Variants in ERP44 observed in about 807,000 individuals in gnomAD.
The protein encoded by ERP44 is endoplasmic reticulum protein 44, also known as endoplasmic reticulum resident protein 44.
A neutral mutation model predicts 53.4 loss-of-function variants in ERP44; 25 were observed. The observed-to-expected ratio is 0.47, with a 90% CI of 0.34 to 0.65. ERP44 has a LOEUF of 0.65. Ranked by LOEUF, ERP44 falls within the 30% of genes least tolerant of loss-of-function variation. The pLI is 0.01. For missense variants in ERP44, 338 were observed against 493.2 expected (o/e 0.69, Z 2.98); for synonymous variants, 145 against 161.2 (o/e 0.90, Z 0.76).
In ERP44 at chr9:100,063,075, C is replaced by CAAAAAAAAAAAAAAAAAAAA. The variant is rs58004954; in HGVS notation, c.58-2904_58-2903insTTTTTTTTTTTTTTTTTTTT. On this transcript the variant is annotated intron_variant, in intron 1 of 11. Coordinates refer to ENST00000262455, the MANE Select transcript of ERP44 (RefSeq NM_015051.3). ...GATGACAGAACAGGACCCTGTCTCA[C>CAAAAAAAAAAAAAAAAAAAA]AAAAAAAAAAAAAAAAAAGAGAGAG... is the stretch of plus-strand genomic sequence containing the variant. Among the ~76,000 whole-genome samples, 159 of 40,046 alleles carry CAAAAAAAAAAAAAAAAAAAA rather than the reference C, an allele frequency of 4.0e-3. 34 individuals carry two copies. Among genetic ancestry groups the CAAAAAAAAAAAAAAAAAAAA allele is most frequent in the Admixed American group, 6.8e-3 (17 of 2,514 alleles). The allele number at this position is 40,046 out of a possible 152,430, so 26.3% of individuals were successfully genotyped here.
At chr9:100,031,744 C>T (rs1170291616) in intron 4 of ERP44, among the ~76,000 whole-genome samples, 1 of 152,068 alleles carries the variant, frequency 6.6e-6, no homozygotes, top group South Asian at 2.1e-4. Flanking sequence ...TATTCAAGCT[C>T]TAACAGCCTG....
chr9:100,022,138 A>AC lies in ERP44; in HGVS notation c.374dup (p.Gln126SerfsTer17). The AC allele has an allele frequency of 6.2e-7, 1 of 1,613,818 alleles. No individual in the cohort carries two copies. The highest frequency in any genetic ancestry group is 8.5e-7 in the Non-Finnish European group (1 of 1,179,844). ...CTGCCAATGCTTTCACTGATCGCTG[A>AC]CCCCTGTATTCTCTCTTCATCATCA... On this transcript the variant is annotated frameshift_variant, in exon 5 of 12. Transcript: ENST00000262455. LOFTEE classifies it high-confidence loss of function.
intron 8 of ERP44, among the ~76,000 whole-genome samples, chr9:100,015,769 G>A (rs900310477): frequency 3.3e-5 from 5 of 152,118 alleles, no homozygotes; most frequent in Non-Finnish European, 4.4e-5. Context: ...ATATGATTTC[G>A]GGATGAAACT....
At chr9:100,081,701 T>C (rs1826426588) in intron 1 of ERP44, among the ~76,000 whole-genome samples, 1 of 152,150 alleles carries the variant, frequency 6.6e-6, no homozygotes, top group Non-Finnish European at 1.5e-5. Flanking sequence ...CCCAAAGCCA[T>C]AATCACGTCT....
intron 10 of ERP44, among the ~76,000 whole-genome samples, chr9:99,988,607 T>C (rs541586323): frequency 6.6e-6 from 1 of 152,292 alleles, no homozygotes; most frequent in South Asian, 2.1e-4. Flanking sequence ...CAGCTCCCAG[T>C]GTGATCAACG....
intron 11 of ERP44, 142 bp from the exon 12 acceptor site, chr9:99,982,855 A>AT (rs1433259098): frequency 2.2e-6 from 1 of 450,874 alleles, no homozygotes; most frequent in Non-Finnish European, 3.8e-6. Context: ...CCAAAGCAAG[A>AT]TATTTAAATG....
At chr9:100,053,718 T>C (rs912331392) in intron 3 of ERP44, among the ~76,000 whole-genome samples, 7 of 152,224 alleles carry the variant, frequency 4.6e-5, no homozygotes, top group Non-Finnish European at 5.9e-5. Flanking sequence ...CATGGATGAC[T>C]ATGTTCTAGG....
At chr9:100,075,580 G>C (rs1288467795) in intron 1 of ERP44, among the ~76,000 whole-genome samples, 1 of 152,180 alleles carries the variant, frequency 6.6e-6, no homozygotes. Context: ...GGACTTCTTG[G>C]TGAGACATCT....
At chr9:99,990,702 TA>T (rs1204952241) in intron 10 of ERP44, among the ~76,000 whole-genome samples, 1 of 152,184 alleles carries the variant, frequency 6.6e-6, no homozygotes, top group African/African-American at 2.4e-5. Context: ...ATGCCCCAAT[TA>T]AAAGACACAG....
intron 1 of ERP44, 135 bp from the exon 2 acceptor site, chr9:100,060,307 ATCTAG>A: frequency 1.0e-6 from 1 of 981,856 alleles, no homozygotes; most frequent in Non-Finnish European, 1.3e-6. Context: ...AATCTTTATT[ATCTAG>A]TCTAATCTTT....
intron 4 of ERP44, among the ~76,000 whole-genome samples, chr9:100,031,246 G>A (rs1345147693): frequency 2.0e-5 from 3 of 152,108 alleles, no homozygotes; most frequent in African/African-American, 4.8e-5. Context: ...TTGGGAGCTT[G>A]ACCTTGTAAG....
At chr9:100,002,208 A>G (rs1246253382) in intron 10 of ERP44, among the ~76,000 whole-genome samples, 3 of 149,988 alleles carry the variant, frequency 2.0e-5, no homozygotes, top group Non-Finnish European at 4.4e-5. Flanking sequence ...ATCTTTTTAT[A>G]TTGTGTATCC....
chr9:100,076,754 T>C (rs1047173457), intron 1 of ERP44, among the ~76,000 whole-genome samples: 1 of 152,260 alleles, frequency 6.6e-6, no homozygotes, highest in Non-Finnish European at 1.5e-5. Flanking sequence ...TTGTATCCCA[T>C]GTGAGTGCTC....
At chr9:99,989,835 G>A (rs965921650) in intron 10 of ERP44, among the ~76,000 whole-genome samples, 13 of 152,142 alleles carry the variant, frequency 8.5e-5, no homozygotes, top group South Asian at 2.1e-4. Flanking sequence ...TTAAATGACC[G>A]GATGGAGCTG....
chr9:100,015,880 A>G (rs569422105), intron 8 of ERP44, among the ~76,000 whole-genome samples: 4 of 152,140 alleles, frequency 2.6e-5, no homozygotes, highest in African/African-American at 7.2e-5. Flanking sequence ...CATTCGTATG[A>G]CAATCTAATG....
chr9:100,030,122 A>G (rs1305868326), intron 4 of ERP44, among the ~76,000 whole-genome samples: 1 of 152,180 alleles, frequency 6.6e-6, no homozygotes, highest in Non-Finnish European at 1.5e-5. Context: ...GTACATATAC[A>G]CAATAAAATA....
At chr9:100,000,829 T>C (rs1830368665) in intron 10 of ERP44, among the ~76,000 whole-genome samples, 1 of 152,122 alleles carries the variant, frequency 6.6e-6, no homozygotes, top group South Asian at 2.1e-4. Context: ...TCTTTTCTAT[T>C]GTTTTTCTAA....
intron 8 of ERP44, 150 bp downstream of exon 8, chr9:100,016,171 GT>G: frequency 8.4e-7 from 1 of 1,190,312 alleles, no homozygotes; most frequent in Non-Finnish European, 1.1e-6. Flanking sequence ...AGAATCACTG[GT>G]GTATATTACA....
intron 4 of ERP44, among the ~76,000 whole-genome samples, chr9:100,040,891 T>C (rs187483595): frequency 1.1e-4 from 16 of 152,126 alleles, no homozygotes; most frequent in Admixed American, 8.5e-4. Flanking sequence ...GAAATAAAAA[T>C]GTAATCCCAT....
Sources: allele counts gnomAD v4.1 joint callset (sites outside exome capture counted in the v4.1 genomes callset), GRCh38; gene constraint gnomAD v4.1.1; transcripts MANE v1.5; gene names NCBI Gene and HGNC (gene_info 2026-07-23, HGNC 2026-07-21).